RGL3: variants seen among roughly 807,000 people sequenced by gnomAD.
RGL3 encodes the protein ral guanine nucleotide dissociation stimulator like 3.
A neutral mutation model predicts 90.6 loss-of-function variants in RGL3; 85 were observed. The ratio of observed to expected loss-of-function variants is 0.94; its 90% CI spans 0.79 to 1.12. RGL3 has a LOEUF of 1.12. RGL3 is among the 50% of genes most tolerant of loss of function. The pLI is 0.00. For missense variants in RGL3, 1,034 were observed against 939.2 expected (o/e 1.10, Z -1.32); for synonymous variants, 408 against 385.5 (o/e 1.06, Z -0.68).
intron 3 of RGL3, 23 bp downstream of exon 3, chr19:11,416,813 G>A (rs150482368): frequency 3.0e-5 from 48 of 1,611,818 alleles, no homozygotes; most frequent in East Asian, 2.9e-4. Flanking sequence ...TGGAGAATAC[G>A]GAGGTTATGG....
rs138562390 is a variant in RGL3 at position 11,418,764 on chromosome 19, A to G, written c.54T>C (p.Gly18=). The change falls in exon 2 of 19, where the codon GGT becomes GGC. Residue 18 remains glycine (G), a synonymous_variant. Coordinates refer to ENST00000380456, the MANE Select transcript of RGL3 (RefSeq NM_001035223.4). The part of the protein sequence containing the change: ...ELALAPLQDW[G]EETEDGAVYS... Reference sequence around the variant, plus strand: ...ACACCGCGCCGTCCTCGGTCTCTTCACCCCAGTCCTGCAGCGGTGCCTGGA... The same window carrying G: ...ACACCGCGCCGTCCTCGGTCTCTTCGCCCCAGTCCTGCAGCGGTGCCTGGA... 10,368 of 1,563,150 alleles carry G rather than the reference A, an allele frequency of 6.6e-3. 43 individuals carry two copies. Among genetic ancestry groups the G allele is most frequent in the South Asian group, 8.2e-3 (703 of 85,588 alleles).
chr19:11,419,027 C>A lies in RGL3; in HGVS notation c.33+219G>T, dbSNP rs1969057737. ...GTCCCAGGGCCCAGTCTAATAGAAC[C>A]TGTCTCTAGCTCTTTCTGCCGACTG... On this transcript the variant is annotated intron_variant, in intron 1 of 18. Transcript: ENST00000380456. 4.6e-6 allele frequency: 3 copies of A among 652,362 alleles called. No homozygotes were observed. In the East Asian group the frequency reaches 8.5e-5, roughly 18 times the overall value. 40.4% of individuals were successfully genotyped at this position (652,362 alleles called of 1,614,324 possible). A position where few individuals can be genotyped will look rare whatever the true frequency, so the allele number is the denominator to read the frequency against.
Position 11,405,378 on chromosome 19 carries a change from C to T in RGL3, c.1045G>A (p.Ala349Thr), listed in dbSNP as rs765918374. 12 of 1,608,536 alleles carry T rather than the reference C, an allele frequency of 7.5e-6. No individual in the cohort carries two copies. The Admixed American group carries it at 8.5e-5, about 11-fold the overall frequency. The change falls in exon 8 of 19, where the codon GCC becomes ACC. Residue 349 changes from alanine to threonine, a missense_variant. By Grantham distance (58) the Ala-to-Thr change is moderately conservative. Coordinates refer to ENST00000380456, the MANE Select transcript of RGL3 (RefSeq NM_001035223.4). ...NFSSLRAILS[A>T]LQSNPIYRLK... ...CGGTAGATGGGGTTAGATTGCAGGG[C>T]GGACAGGATGGCGCGCAAGGAGGAG...
intron 3 of RGL3, 44 bp from the exon 4 acceptor site, chr19:11,416,711 G>T (rs759156802): frequency 6.2e-7 from 1 of 1,605,542 alleles, no homozygotes; most frequent in Non-Finnish European, 8.5e-7. Flanking sequence ...GGAACCTAGA[G>T]GGGGCTTAGG....
At position 11,401,954 on chromosome 19, in the gene RGL3, C is replaced by T. The variant is rs1205378192; in HGVS notation, c.1484+57G>A. ...AGGTGTGTATGGAGTGGGTGGAATC[C>T]AGTTGGTGACCCAGGCTCAGCTGGG... is the stretch of plus-strand genomic sequence containing the variant. On this transcript the variant is annotated intron_variant, in intron 13 of 18. Coordinates refer to ENST00000380456, the MANE Select transcript of RGL3 (RefSeq NM_001035223.4). 4 of 1,503,894 alleles carry T rather than the reference C, an allele frequency of 2.7e-6. No homozygotes were observed. The East Asian group carries it at 9.1e-5, about 34-fold the overall frequency. 93.2% of individuals were successfully genotyped at this position (1,503,894 alleles called of 1,614,324 possible).
At chr19:11,400,929 A>G (rs1468680054) in intron 13 of RGL3, among the ~76,000 whole-genome samples, 1 of 151,996 alleles carries the variant, frequency 6.6e-6, no homozygotes, top group Non-Finnish European at 1.5e-5. Context: ...GACTGGGGTC[A>G]GGTCACCATT....
At position 11,399,872 on chromosome 19, in the gene RGL3, G is replaced by C. The variant is rs774638166; in HGVS notation, c.1729C>G (p.Gln577Glu). Residue 577 changes from glutamine to glutamate, a missense_variant, in exon 16 of 19, where the codon CAG becomes GAG. Coordinates refer to ENST00000380456, the MANE Select transcript of RGL3 (RefSeq NM_001035223.4). ...AGSPPASPGP[Q>E]GPSTKLPLSL... is the part of the protein sequence containing the mutation. Reference sequence around the variant, plus strand: ...CTTGGTACCTTGGTGCTGGGGCCCTGGGGCCCTGGAGAGGCCGGGGGACTG... The same window carrying C: ...CTTGGTACCTTGGTGCTGGGGCCCTCGGGCCCTGGAGAGGCCGGGGGACTG... The C allele has an allele frequency of 5.5e-5, 82 of 1,501,800 alleles. No homozygotes were observed. Among genetic ancestry groups the C allele is most frequent in the Non-Finnish European group, 5.4e-5 (61 of 1,128,188 alleles). 93.0% of individuals were successfully genotyped at this position (1,501,800 alleles called of 1,614,324 possible).
At position 11,396,324 on chromosome 19, in the gene RGL3, T is replaced by C. The variant is rs1167564215; in HGVS notation, c.2014+920A>G. Among the ~76,000 whole-genome samples the C allele has an allele frequency of 2.1e-4, 32 of 149,934 alleles. No individual in the cohort carries two copies. In the South Asian group the frequency reaches 6.8e-3, roughly 32 times the overall value. The stretch of plus-strand genomic sequence containing the variant: ...CTGAGACTACAGGCATGTGCCACCA[T>C]GCCCAGCTAATTTTTTTGTATTTTT... On this transcript the variant is annotated intron_variant, in intron 18 of 18. Transcript: ENST00000380456.
At position 11,418,760 on chromosome 19, in the gene RGL3, C is replaced by G. The variant is rs768215808; in HGVS notation, c.58G>C (p.Glu20Gln). 372 of 1,568,430 alleles carry G rather than the reference C, an allele frequency of 2.4e-4. No homozygotes were observed. Among genetic ancestry groups the G allele is most frequent in the Non-Finnish European group, 3.1e-4 (357 of 1,160,946 alleles). The change falls in exon 2 of 19, where the codon GAG (glutamate) becomes CAG (glutamine). Residue 20 changes from glutamate to glutamine, a missense_variant. Physicochemically the swap from Glu to Gln is conservative, Grantham distance 29. Transcript: ENST00000380456. ...CTGTACACCGCGCCGTCCTCGGTCT[C>G]TTCACCCCAGTCCTGCAGCGGTGCC... ...ALAPLQDWGE[E>Q]TEDGAVYSVS...
chr19:11,396,155 TATA>T lies in RGL3; in HGVS notation c.2014+1086_2014+1088del, dbSNP rs1191378347. 2.8e-3 allele frequency among the ~76,000 whole-genome samples: 209 copies of T among 74,976 alleles called. 4 individuals carry two copies. The highest frequency in any genetic ancestry group is 0.012 in the African/African-American group (169 of 14,508). The allele number at this position is 74,976 out of a possible 152,430, so 49.2% of individuals were successfully genotyped here. A position where few individuals can be genotyped will look rare whatever the true frequency, so the allele number is the denominator to read the frequency against. On this transcript the variant is annotated intron_variant, in intron 18 of 18. Transcript: ENST00000380456. The stretch of plus-strand genomic sequence containing the variant: ...CTCTCTCTATATATATATATATATA[TATA>T]TTTTTTTTTTTTTTTTTTTTTTTTT...
Position 11,402,699 on chromosome 19 carries a change from GCCT to G in RGL3, c.1190_1192del (p.Glu397del), listed in dbSNP as rs745683244. 1.9e-5 allele frequency: 30 copies of G among 1,613,192 alleles called. No homozygotes were observed. Among genetic ancestry groups the G allele is most frequent in the African/African-American group, 2.7e-5 (2 of 74,832 alleles). ...GTCCTCTTCTTGGGATCCCTCAGTG[GCCT>G]CCTCCTGAGGGAAGAGAAAAACTGA... On this transcript the variant is annotated inframe_deletion, in exon 10 of 19. Coordinates refer to ENST00000380456, the MANE Select transcript of RGL3 (RefSeq NM_001035223.4).
chr19:11,394,464 T>TG lies in RGL3; in HGVS notation c.2070dup (p.Arg691GlnfsTer49). The TG allele has an allele frequency of 1.2e-6, 2 of 1,613,918 alleles. No individual in the cohort carries two copies. The highest frequency in any genetic ancestry group is 1.7e-6 in the Non-Finnish European group (2 of 1,179,956). On this transcript the variant is annotated frameshift_variant, in exon 19 of 19. Coordinates refer to ENST00000380456, the MANE Select transcript of RGL3 (RefSeq NM_001035223.4). LOFTEE classifies it low-confidence loss of function (END_TRUNC). ...TCTTTCCGCCGCAGCATGAAGTCTC[T>TG]GGGGGCGACTGGACTCATGGCATAG...
rs753832874 is a variant in RGL3 at position 11,416,893 on chromosome 19, G to C, written c.314C>G (p.Pro105Arg). ...AFLATYRTFV[P>R]TACLLGFLLP... is the part of the protein sequence containing the mutation. ...CAGAAAGCCCAGCAGGCAGGCAGTG[G>C]GTACAAAGGTCCGGTAGGTGGCCAG... The change falls in exon 3 of 19, where the codon CCC (proline) becomes CGC (arginine). Residue 105 changes from proline to arginine, a missense_variant. Coordinates refer to ENST00000380456, the MANE Select transcript of RGL3 (RefSeq NM_001035223.4). The C allele has an allele frequency of 6.2e-7, 1 of 1,614,074 alleles. No homozygotes were observed. Among genetic ancestry groups the C allele is most frequent in the Admixed American group, 1.7e-5 (1 of 59,996 alleles).
intron 13 of RGL3, among the ~76,000 whole-genome samples, chr19:11,400,588 ACGCCTGTAAT>A (rs1968657564): frequency 6.6e-6 from 1 of 151,880 alleles, no homozygotes; most frequent in Non-Finnish European, 1.5e-5. Context: ...GCAGTGGCTC[ACGCCTGTAAT>A]CCTAGCACTT....
At chr19:11,412,816 A>G (rs1968896135) in intron 5 of RGL3, among the ~76,000 whole-genome samples, 1 of 151,602 alleles carries the variant, frequency 6.6e-6, no homozygotes, top group Non-Finnish European at 1.5e-5. Context: ...ACTACAAAAA[A>G]TTAGCTGGGC....
chr19:11,412,410 C>T (rs529624525), intron 5 of RGL3, among the ~76,000 whole-genome samples: 4 of 151,826 alleles, frequency 2.6e-5, no homozygotes, highest in African/African-American at 4.8e-5. Context: ...AATTGATCAT[C>T]GTTGATGATA....
chr19:11,416,216 C>T (rs1447169753), intron 4 of RGL3, 68 bp from the exon 5 acceptor site: 8 of 628,350 alleles, frequency 1.3e-5, no homozygotes, highest in East Asian at 6.6e-5. Context: ...CTCCTGGTAC[C>T]TTTTTTTTTT....
At chr19:11,409,252 G>A (rs559471627) in intron 5 of RGL3, among the ~76,000 whole-genome samples, 3 of 152,130 alleles carry the variant, frequency 2.0e-5, no homozygotes, top group East Asian at 1.9e-4. Context: ...AGGCCAAGGC[G>A]GGTAGATCAC....
rs1191561097 is a variant in RGL3, at chr19:11,417,155, TTTG to T, written c.148-99_148-97del. 11 of 988,420 alleles carry T rather than the reference TTTG, an allele frequency of 1.1e-5. No individual in the cohort carries two copies. The African/African-American group carries it at 1.7e-4, about 15-fold the overall frequency. 61.2% of individuals were successfully genotyped at this position (988,420 alleles called of 1,614,324 possible). ...CATCACTAGCACCACTCTTTTTTTT[TTTG>T]TTTTTTTTTTTGAGACAGAGTCTCA... On this transcript the variant is annotated intron_variant, in intron 2 of 18. Coordinates refer to ENST00000380456, the MANE Select transcript of RGL3 (RefSeq NM_001035223.4).
Sources: gnomAD v4.1 joint callset for allele counts (sites outside exome capture counted in the v4.1 genomes callset) on GRCh38, gnomAD v4.1.1 for gene constraint, MANE v1.5 for transcripts, NCBI Gene and HGNC (gene_info 2026-07-23, HGNC 2026-07-21) for gene names.